Variants in FAM217B observed in about 807,000 individuals in gnomAD.
FAM217B encodes family with sequence similarity 217 member B.
For synonymous variants in FAM217B, 163 were observed against 173.0 expected (o/e 0.94, Z 0.45); for missense variants, 463 against 456.9 (o/e 1.01, Z -0.12).
rs1379837618 is a variant in FAM217B, at chr20:59,946,426, A to G, written c.*1331A>G. 1.8e-5 allele frequency: 3 copies of G among 166,990 alleles called. No individual in the cohort carries two copies. Among genetic ancestry groups the G allele is most frequent in the Non-Finnish European group, 4.4e-5 (3 of 68,122 alleles). 10.3% of individuals were successfully genotyped at this position (166,990 alleles called of 1,614,324 possible). A position where few individuals can be genotyped will look rare whatever the true frequency, so the allele number is the denominator to read the frequency against. ...AAAACTTGGCATTTTTCATTTGGGAACATATAATAGCTTGTAAACTTTTCA... is the reference window on the plus strand; with the variant it reads ...AAAACTTGGCATTTTTCATTTGGGAGCATATAATAGCTTGTAAACTTTTCA... On this transcript the variant is annotated 3_prime_UTR_variant, in exon 4 of 4. Transcript: ENST00000360816.
upstream of FAM217B, chr20:59,939,013 T>G: frequency 1.3e-6 from 2 of 1,492,822 alleles, no homozygotes; most frequent in Non-Finnish European, 1.8e-6. Context: ...AGGCTCCAGG[T>G]GGCCGGTCCC....
At chr20:59,939,082 G>C, upstream of FAM217B, 1 of 1,587,938 alleles carries the variant, frequency 6.3e-7, no homozygotes, top group Non-Finnish European at 8.5e-7. Flanking sequence ...GGCATGTGCA[G>C]CGCGTGGTTG....
upstream of FAM217B, chr20:59,939,015 G>A (rs371149280): frequency 4.0e-6 from 6 of 1,493,102 alleles, no homozygotes; most frequent in African/African-American, 4.2e-5. Context: ...GCTCCAGGTG[G>A]CCGGTCCCCG....
intron 1 of FAM217B, among the ~76,000 whole-genome samples, 165 bp downstream of exon 1, chr20:59,940,700 T>C (rs1040210575): frequency 6.6e-6 from 1 of 152,052 alleles, no homozygotes; most frequent in Non-Finnish European, 1.5e-5. Context: ...CAGGAGCTGG[T>C]CTCAGGCTAA....
At chr20:59,935,750 G>A (rs1433733791), upstream of FAM217B, among the ~76,000 whole-genome samples, 1 of 152,216 alleles carries the variant, frequency 6.6e-6, no homozygotes, top group Non-Finnish European at 1.5e-5. Context: ...TCCAACGTTG[G>A]TGACAAGGCA....
Position 59,944,277 on chromosome 20 carries a change from C to T in FAM217B, c.334C>T (p.Pro112Ser), listed in dbSNP as rs773002423. The change falls in exon 4 of 4, where the codon CCT becomes TCT. Residue 112 changes from proline (P) to serine (S), a missense_variant. By Grantham distance (74) the Pro-to-Ser change is moderately conservative. Transcript: ENST00000360816. ...TCCCATTCCTCCTTCTCCCCTCACA[C>T]CTCCAGATCTCAATCTTCGAGCTGA... The part of the protein sequence containing the change: ...RIPIPPSPLT[P>S]PDLNLRAEEI... 2 of 1,614,162 alleles carry T rather than the reference C, an allele frequency of 1.2e-6. No individual in the cohort carries two copies. The highest frequency in any genetic ancestry group is 4.5e-5 in the East Asian group (2 of 44,890).
upstream of FAM217B, among the ~76,000 whole-genome samples, chr20:59,936,158 C>T (rs1200771337): frequency 1.3e-5 from 2 of 152,116 alleles, no homozygotes; most frequent in Admixed American, 6.5e-5. Flanking sequence ...ACAACTGTAA[C>T]ACAAGGGTAT....
chr20:59,936,680 A>C (rs2060864187), upstream of FAM217B: 1 of 152,360 alleles, frequency 6.6e-6, no homozygotes, highest in South Asian at 2.1e-4. Flanking sequence ...CAATGACAAA[A>C]TTTATTTTTG....
At position 59,944,487 on chromosome 20, in the gene FAM217B, A is replaced by G. The variant is rs1412522050; in HGVS notation, c.544A>G (p.Ile182Val). The part of the protein sequence containing the change: ...PRVGGLLGKY[I>V]DRLIQLEWLQ... ...AGTGGGAGGACTTCTTGGGAAGTAT[A>G]TCGATAGACTTATTCAGCTTGAGTG... Residue 182 changes from isoleucine (I) to valine (V), a missense_variant, in exon 4 of 4, where the codon ATC becomes GTC. Coordinates refer to ENST00000360816, the MANE Select transcript of FAM217B (RefSeq NM_022106.3). 10 of 1,613,900 alleles carry G rather than the reference A, an allele frequency of 6.2e-6. No homozygotes were observed. The highest frequency in any genetic ancestry group is 8.5e-6 in the Non-Finnish European group (10 of 1,180,018).
At chr20:59,943,342 A>G (rs2060915913) in intron 3 of FAM217B, among the ~76,000 whole-genome samples, 1 of 152,174 alleles carries the variant, frequency 6.6e-6, no homozygotes, top group Admixed American at 6.5e-5. Context: ...ATTTTCCCAA[A>G]TGTGTTTTCT....
Position 59,944,465 on chromosome 20 carries a change from G to A in FAM217B, c.522G>A (p.Val174=). The part of the protein sequence containing the change: ...AENKTEAVPR[V]GGLLGKYIDR... ...ACAAAACGGAAGCCGTGCCCCGAGTGGGAGGACTTCTTGGGAAGTATATCG... is the reference window on the plus strand; with the variant it reads ...ACAAAACGGAAGCCGTGCCCCGAGTAGGAGGACTTCTTGGGAAGTATATCG... Residue 174 remains valine (V), a synonymous_variant, in exon 4 of 4, where the codon GTG becomes GTA. Coordinates refer to ENST00000360816, the MANE Select transcript of FAM217B (RefSeq NM_022106.3). The A allele has an allele frequency of 6.2e-7, 1 of 1,613,970 alleles. No individual in the cohort carries two copies.
In FAM217B at chr20:59,944,867, G is replaced by A. The variant is rs371848192; in HGVS notation, c.924G>A (p.Leu308=). 2 of 1,614,082 alleles carry A rather than the reference G, an allele frequency of 1.2e-6. No homozygotes were observed. Among genetic ancestry groups the A allele is most frequent in the African/African-American group, 1.3e-5 (1 of 74,932 alleles). The part of the protein sequence containing the change: ...SKSTKLQRWD[L]SGSGSSSKVE... ...GTACGAAGCTGCAGCGCTGGGATCT[G>A]TCCGGCAGTGGAAGCAGCTCTAAGG... is the stretch of plus-strand genomic sequence containing the variant. The change falls in exon 4 of 4, where the codon CTG becomes CTA. Residue 308 remains leucine, a synonymous_variant. Transcript: ENST00000360816.
At chr20:59,939,836 G>A (rs2060888920), upstream of FAM217B, 6 of 1,239,178 alleles carry the variant, frequency 4.8e-6, no homozygotes, top group East Asian at 1.3e-4. Flanking sequence ...GGGCCACGCC[G>A]CCGTCCAGGT....
chr20:59,942,098 A>G (rs1325612056), intron 1 of FAM217B, 100 bp from the exon 2 acceptor site: 2 of 152,610 alleles, frequency 1.3e-5, no homozygotes, highest in Non-Finnish European at 2.9e-5. Context: ...TAATATTTCA[A>G]TATTATACAA....
At position 59,940,436 on chromosome 20, in the gene FAM217B, C is replaced by T. The variant is rs1389478823; in HGVS notation, c.-302C>T. 1 of 152,182 alleles carries T rather than the reference C, an allele frequency of 6.6e-6. No individual in the cohort carries two copies. Among genetic ancestry groups the T allele is most frequent in the Non-Finnish European group, 1.5e-5 (1 of 68,054 alleles). 9.4% of individuals were successfully genotyped at this position (152,182 alleles called of 1,614,324 possible). A position where few individuals can be genotyped will look rare whatever the true frequency, so the allele number is the denominator to read the frequency against. On this transcript the variant is annotated 5_prime_UTR_variant, in exon 1 of 4. Transcript: ENST00000360816. Reference sequence around the variant, plus strand: ...GAGCTGCGCGCCTCCGCCTCCAGCTCCCCTGCCGCAGCGCGCCGCAGCCGG... The same window carrying T: ...GAGCTGCGCGCCTCCGCCTCCAGCTTCCCTGCCGCAGCGCGCCGCAGCCGG...
upstream of FAM217B, chr20:59,938,842 G>A (rs1044480471): frequency 8.3e-6 from 4 of 482,460 alleles, no homozygotes; most frequent in Non-Finnish European, 1.0e-5. Flanking sequence ...CTACTTTTTA[G>A]ACCAAGTGAC....
chr20:59,946,915 T>G lies in FAM217B; in HGVS notation c.*1820T>G, dbSNP rs1199813343. On this transcript the variant is annotated 3_prime_UTR_variant, in exon 4 of 4. Transcript: ENST00000360816. ...CCTGCCCTTTTTTGTGAGCACAGAT[T>G]AGTCTGTTATCCATGGCTGGCACTT... 6.0e-6 allele frequency: 1 copy of G among 167,108 alleles called. No homozygotes were observed. Among genetic ancestry groups the G allele is most frequent in the East Asian group, 1.9e-4 (1 of 5,200 alleles). 10.4% of individuals were successfully genotyped at this position (167,108 alleles called of 1,614,324 possible).
At chr20:59,936,028 C>T (rs141245771), upstream of FAM217B, among the ~76,000 whole-genome samples, 6 of 152,232 alleles carry the variant, frequency 3.9e-5, no homozygotes, top group African/African-American at 1.2e-4. Flanking sequence ...AATATCTTAG[C>T]GTTTACTTAC....
At chr20:59,933,919 G>C (rs2060831035) in intron 1 of FAM217B, 1 of 152,342 alleles carries the variant, frequency 6.6e-6, no homozygotes, top group Admixed American at 6.5e-5. Flanking sequence ...CCTGATGAAC[G>C]CCCCGCGAGC....
Sources: allele counts gnomAD v4.1 joint callset (sites outside exome capture counted in the v4.1 genomes callset), GRCh38; gene constraint gnomAD v4.1.1; transcripts MANE v1.5; gene names NCBI Gene and HGNC (gene_info 2026-07-23, HGNC 2026-07-21).